The following SGK1 variants were observed in gnomAD, a reference collection of about 807,000 sequenced individuals.
SGK1 encodes the protein serine/threonine-protein kinase Sgk1.
Under a neutral mutation model 64.2 loss-of-function variants are expected in SGK1, and 26 were observed. The ratio of observed to expected loss-of-function variants is 0.40; its 90% CI spans 0.30 to 0.56. The LOEUF is 0.56. SGK1 is among the 20% of genes least tolerant of loss of function. The pLI is 0.38. For missense variants in SGK1, 519 were observed against 645.6 expected (o/e 0.80, Z 2.12); for synonymous variants, 265 against 239.7 (o/e 1.11, Z -0.98).
intron 1 of SGK1, among the ~76,000 whole-genome samples, chr6:134,292,068 A>AG (rs1434418451): frequency 6.6e-6 from 1 of 151,990 alleles, no homozygotes; most frequent in African/African-American, 2.4e-5. Context: ...CTCTCAAAAA[A>AG]AAAAAAAACA....
chr6:134,189,483 TATA>T (rs1274470197), intron 3 of SGK1, among the ~76,000 whole-genome samples: 2 of 152,330 alleles, frequency 1.3e-5, no homozygotes, highest in Admixed American at 6.5e-5. Context: ...AAGCTACTAC[TATA>T]ATATTACTTA....
intron 9 of SGK1, 169 bp from the exon 10 acceptor site, chr6:134,172,485 A>G: frequency 1.2e-6 from 1 of 808,410 alleles, no homozygotes; most frequent in Non-Finnish European, 2.0e-6. Context: ...ATTAGGCACA[A>G]TCCTACTTGG....
At chr6:134,228,841 C>CTTTTTT (rs754300980) in intron 2 of SGK1, among the ~76,000 whole-genome samples, 33 of 129,944 alleles carry the variant, frequency 2.5e-4, no homozygotes, top group African/African-American at 7.7e-4. Flanking sequence ...TGTAGTTGTT[C>CTTTTTT]TTTTTTTTTT....
intron 1 of SGK1, among the ~76,000 whole-genome samples, chr6:134,303,340 C>T (rs1777487482): frequency 6.6e-6 from 1 of 151,626 alleles, no homozygotes; most frequent in Admixed American, 6.6e-5. Flanking sequence ...TGCAGTGAGC[C>T]AAGATGGCGC....
chr6:134,225,008 C>CAAAAAAAAAAAA (rs779785039), intron 2 of SGK1, among the ~76,000 whole-genome samples: 1 of 39,810 alleles, frequency 2.5e-5, no homozygotes, highest in Non-Finnish European at 5.2e-5. Context: ...GACTCCATCT[C>CAAAAAAAAAAAA]AAAAAAAAAA....
At chr6:134,174,373 T>C in intron 4 of SGK1, 138 bp downstream of exon 4, 1 of 647,806 alleles carries the variant, frequency 1.5e-6, no homozygotes, top group Non-Finnish European at 2.7e-6. Context: ...ATGTGTCAAA[T>C]ATATTAGAAT....
chr6:134,309,255 G>A (rs1777577235), intron 1 of SGK1, among the ~76,000 whole-genome samples: 1 of 152,158 alleles, frequency 6.6e-6, no homozygotes, highest in Non-Finnish European at 1.5e-5. Context: ...AAATAGATGT[G>A]AGAGTAAACA....
At chr6:134,172,014 A>G in intron 10 of SGK1, 179 bp downstream of exon 10, 1 of 782,350 alleles carries the variant, frequency 1.3e-6, no homozygotes, top group East Asian at 2.5e-5. Flanking sequence ...TCAGTAAAGG[A>G]ACAGAAGGAC....
At chr6:134,281,272 T>C (rs1777090443) in intron 1 of SGK1, among the ~76,000 whole-genome samples, 1 of 152,156 alleles carries the variant, frequency 6.6e-6, no homozygotes, top group Non-Finnish European at 1.5e-5. Flanking sequence ...TGATTTCAAG[T>C]GTTGTTTCTA....
At chr6:134,230,396 TCA>T (rs1408818728) in intron 2 of SGK1, 7 of 152,132 alleles carry the variant, frequency 4.6e-5, no homozygotes, top group Admixed American at 2.6e-4. Flanking sequence ...TTTAATTGAC[TCA>T]CAGTTCATCA....
intron 3 of SGK1, among the ~76,000 whole-genome samples, chr6:134,190,845 A>T (rs1264525618): frequency 1.3e-5 from 2 of 152,244 alleles, no homozygotes; most frequent in East Asian, 1.9e-4. Context: ...TAACAGACAC[A>T]CTAGACTTAG....
intron 3 of SGK1, chr6:134,174,968 G>T: frequency 7.4e-7 from 1 of 1,353,370 alleles, no homozygotes; most frequent in Non-Finnish European, 9.8e-7. Flanking sequence ...CCCTCGCCCC[G>T]CCCCGGCCGC....
chr6:134,256,957 A>G (rs761232379), intron 2 of SGK1: 1 of 152,268 alleles, frequency 6.6e-6, no homozygotes, highest in Non-Finnish European at 1.5e-5. Context: ...ATTTGTGACC[A>G]TTAAACATAG....
At chr6:134,172,449 G>T (rs1457502733) in intron 9 of SGK1, 133 bp from the exon 10 acceptor site, 2 of 924,096 alleles carry the variant, frequency 2.2e-6, no homozygotes, top group East Asian at 5.0e-5. Context: ...AAAAAAGGGA[G>T]CCCTTGTTCT....
chr6:134,251,403 A>G (rs1776603869), intron 2 of SGK1, among the ~76,000 whole-genome samples: 1 of 152,164 alleles, frequency 6.6e-6, no homozygotes, highest in Non-Finnish European at 1.5e-5. Context: ...TCTGGGAAGG[A>G]TTTTACTAAA....
intron 2 of SGK1, among the ~76,000 whole-genome samples, chr6:134,210,088 T>C (rs182765344): frequency 1.6e-4 from 24 of 152,342 alleles, no homozygotes; most frequent in African/African-American, 5.8e-4. Flanking sequence ...AATTGGGATC[T>C]CAAAGAGGTA....
intron 2 of SGK1, among the ~76,000 whole-genome samples, chr6:134,251,436 G>A (rs917330653): frequency 3.3e-5 from 5 of 152,160 alleles, no homozygotes; most frequent in Non-Finnish European, 7.3e-5. Flanking sequence ...ATTAGAAGCA[G>A]GAAAGATTTG....
intron 2 of SGK1, among the ~76,000 whole-genome samples, chr6:134,228,621 T>G (rs1413622240): frequency 6.6e-6 from 1 of 152,186 alleles, no homozygotes; most frequent in Non-Finnish European, 1.5e-5. Context: ...GCCATAGTAG[T>G]CGATCAGTGG....
intron 2 of SGK1, among the ~76,000 whole-genome samples, chr6:134,251,149 A>T (rs1276437182): frequency 6.6e-6 from 1 of 152,144 alleles, no homozygotes; most frequent in Non-Finnish European, 1.5e-5. Flanking sequence ...TTACTTGGTA[A>T]ATTAAATTCT....
Sources: allele counts gnomAD v4.1 joint callset (sites outside exome capture counted in the v4.1 genomes callset), GRCh38; gene constraint gnomAD v4.1.1; transcripts MANE v1.5; gene names NCBI Gene and HGNC (gene_info 2026-07-23, HGNC 2026-07-21).